Variants in VPS41 observed in about 807,000 individuals in gnomAD.
VPS41 encodes VPS41 subunit of HOPS complex, also known as vacuolar protein sorting-associated protein 41 homolog.
In VPS41, 85 loss-of-function variants were observed where a neutral mutation model predicts 130.9. The ratio of observed to expected loss-of-function variants is 0.65; its 90% CI spans 0.55 to 0.78. The LOEUF (loss-of-function observed/expected upper bound fraction) is 0.78, where lower values mean the gene tolerates loss of function less well. VPS41 is among the 30% of genes least tolerant of loss of function. The pLI is 0.00. For synonymous variants in VPS41, 335 were observed against 332.9 expected (o/e 1.01, Z -0.07); for missense variants, 874 against 1,018.7 (o/e 0.86, Z 1.93).
At chr7:38,865,075 A>G (rs1006112684) in intron 3 of VPS41, among the ~76,000 whole-genome samples, 5 of 152,170 alleles carry the variant, frequency 3.3e-5, no homozygotes, top group African/African-American at 1.2e-4. Context: ...GTCTAATATC[A>G]TCTACCTTCA....
intron 18 of VPS41, among the ~76,000 whole-genome samples, chr7:38,757,984 A>G (rs1783836065): frequency 6.6e-6 from 1 of 152,172 alleles, no homozygotes; most frequent in South Asian, 2.1e-4. Flanking sequence ...TAAGGAATTG[A>G]CATTTGAGAG....
intron 5 of VPS41, among the ~76,000 whole-genome samples, chr7:38,829,898 T>A (rs1458123961): frequency 6.6e-6 from 1 of 152,152 alleles, no homozygotes; most frequent in Non-Finnish European, 1.5e-5. Flanking sequence ...GCCCACAAAA[T>A]CCAATTTTGT....
Position 38,862,649 on chromosome 7 carries a change from A to C in VPS41, c.169-27T>G, listed in dbSNP as rs557095996. The C allele has an allele frequency of 2.7e-5, 39 of 1,441,356 alleles. No individual in the cohort carries two copies. In the South Asian group the frequency reaches 4.3e-4, roughly 16 times the overall value. The allele number at this position is 1,441,356 out of a possible 1,614,324, so 89.3% of individuals were successfully genotyped here. On this transcript the variant is annotated intron_variant, in intron 3 of 28. Transcript: ENST00000310301. ...TGTAAGAAGAACAAAGAGGCCAGTT[A>C]ATTAATTAATAATACTATTAATACA...
At chr7:38,742,249 G>A in intron 24 of VPS41, 128 bp from the exon 25 acceptor site, 1 of 899,838 alleles carries the variant, frequency 1.1e-6, no homozygotes, top group Non-Finnish European at 1.6e-6. Flanking sequence ...TTCCTTCAAA[G>A]TAAGTGTTAA....
chr7:38,821,792 C>T (rs1785177865), intron 5 of VPS41, among the ~76,000 whole-genome samples: 1 of 151,954 alleles, frequency 6.6e-6, no homozygotes, highest in Non-Finnish European at 1.5e-5. Context: ...ATTAAGCTTT[C>T]ATAAGCATTC....
At chr7:38,811,120 T>A (rs1044277586) in intron 7 of VPS41, among the ~76,000 whole-genome samples, 6 of 152,148 alleles carry the variant, frequency 3.9e-5, no homozygotes, top group African/African-American at 1.4e-4. Flanking sequence ...GCCTTTAGTT[T>A]TTAACATCAG....
In VPS41 at chr7:38,771,119, T is replaced by C. The variant is rs1032471443; in HGVS notation, c.1185+79A>G. ...TTCTCAAAAGATAGGAAAAACCTGTTCTTTTCAAATTATTTTCAGTCTCAC... is the reference window on the plus strand; with the variant it reads ...TTCTCAAAAGATAGGAAAAACCTGTCCTTTTCAAATTATTTTCAGTCTCAC... On this transcript the variant is annotated intron_variant, in intron 14 of 28. Transcript: ENST00000310301. 5 of 1,049,800 alleles carry C rather than the reference T, an allele frequency of 4.8e-6. No individual in the cohort carries two copies. In the African/African-American group the frequency reaches 8.0e-5, roughly 17 times the overall value. The allele number at this position is 1,049,800 out of a possible 1,614,324, so 65.0% of individuals were successfully genotyped here. A position where few individuals can be genotyped will look rare whatever the true frequency, so the allele number is the denominator to read the frequency against.
At chr7:38,856,969 T>G (rs984080887) in intron 4 of VPS41, among the ~76,000 whole-genome samples, 1 of 152,072 alleles carries the variant, frequency 6.6e-6, no homozygotes, top group African/African-American at 2.4e-5. Flanking sequence ...ATGATCAGGG[T>G]CTGGAATGCT....
chr7:38,898,206 T>C, intron 1 of VPS41, 77 bp from the exon 2 acceptor site: 1 of 1,260,378 alleles, frequency 7.9e-7, no homozygotes, highest in Non-Finnish European at 1.2e-6. Context: ...AGAGTCCTCA[T>C]GTTCCTACTA....
chr7:38,840,139 T>G (rs1054640933), intron 4 of VPS41, among the ~76,000 whole-genome samples: 1 of 152,234 alleles, frequency 6.6e-6, no homozygotes, highest in African/African-American at 2.4e-5. Flanking sequence ...CATCCTTGAC[T>G]GCTTTGTGAC....
intron 4 of VPS41, among the ~76,000 whole-genome samples, chr7:38,859,871 T>C (rs990634075): frequency 2.0e-5 from 3 of 152,256 alleles, no homozygotes; most frequent in Non-Finnish European, 2.9e-5. Context: ...TAAGTAAAAT[T>C]GCTTTAGCAA....
intron 15 of VPS41, among the ~76,000 whole-genome samples, chr7:38,766,172 A>G (rs571030518): frequency 6.6e-6 from 1 of 152,286 alleles, no homozygotes; most frequent in Admixed American, 6.5e-5. Context: ...AAAGAAACAC[A>G]TTTTCTTAAA....
At chr7:38,768,264 A>G (rs1284209704) in intron 14 of VPS41, among the ~76,000 whole-genome samples, 2 of 152,218 alleles carry the variant, frequency 1.3e-5, no homozygotes, top group African/African-American at 2.4e-5. Flanking sequence ...TGATCTCCCC[A>G]TGACTCATCT....
At chr7:38,888,886 A>T (rs1310773615) in intron 2 of VPS41, among the ~76,000 whole-genome samples, 1 of 150,518 alleles carries the variant, frequency 6.6e-6, no homozygotes, top group African/African-American at 2.4e-5. Context: ...TCAAAACCAC[A>T]CAACTACATG....
intron 17 of VPS41, among the ~76,000 whole-genome samples, chr7:38,758,927 G>T (rs1783860098): frequency 6.7e-6 from 1 of 148,626 alleles, no homozygotes; most frequent in South Asian, 2.1e-4. Flanking sequence ...CACCCAAAGA[G>T]GACCTGGAAG....
At chr7:38,858,751 A>G (rs986301441) in intron 4 of VPS41, among the ~76,000 whole-genome samples, 3 of 152,242 alleles carry the variant, frequency 2.0e-5, no homozygotes, top group Admixed American at 2.0e-4. Flanking sequence ...CCACTCATAT[A>G]AAGTCTAGCA....
At chr7:38,796,294 AG>A in intron 8 of VPS41, 1 of 334,486 alleles carries the variant, frequency 3.0e-6, no homozygotes, top group Non-Finnish European at 5.8e-6. Flanking sequence ...GTTAAAATGC[AG>A]CACTGAAAAT....
At chr7:38,869,677 A>G (rs767651388) in intron 2 of VPS41, among the ~76,000 whole-genome samples, 52 of 152,190 alleles carry the variant, frequency 3.4e-4, no homozygotes, top group Non-Finnish European at 1.2e-4. Context: ...TTTTACTTCA[A>G]TAAGTAATAG....
intron 25 of VPS41, 45 bp downstream of exon 25, chr7:38,741,940 A>T: frequency 1.2e-6 from 2 of 1,607,332 alleles, no homozygotes; most frequent in Admixed American, 3.4e-5. Flanking sequence ...TCCAGTACTA[A>T]GTCAACTAAT....
Sources: gnomAD v4.1 joint callset for allele counts (sites outside exome capture counted in the v4.1 genomes callset) on GRCh38, gnomAD v4.1.1 for gene constraint, MANE v1.5 for transcripts, NCBI Gene and HGNC (gene_info 2026-07-23, HGNC 2026-07-21) for gene names.